ANGPT2: variants seen among roughly 807,000 people sequenced by gnomAD.
ANGPT2 encodes angiopoietin 2.
A neutral mutation model predicts 62.9 loss-of-function variants in ANGPT2; 28 were observed. The ratio of observed to expected loss-of-function variants is 0.44; its 90% CI spans 0.33 to 0.61. The LOEUF (loss-of-function observed/expected upper bound fraction) is 0.61, where lower values mean the gene tolerates loss of function less well. ANGPT2 is among the 20% of genes least tolerant of loss of function. The probability of loss-of-function intolerance (pLI) is 0.03; values close to 1 mark genes in which losing one functional copy is unlikely to be tolerated. For synonymous variants in ANGPT2, 284 were observed against 207.8 expected (o/e 1.37, Z -3.15); for missense variants, 727 against 594.9 (o/e 1.22, Z -2.31).
At chr8:6,518,286 C>T (rs758671605) in intron 5 of ANGPT2, among the ~76,000 whole-genome samples, 15 of 152,186 alleles carry the variant, frequency 9.9e-5, no homozygotes, top group Admixed American at 3.9e-4. Flanking sequence ...TGGTGACAGA[C>T]AATGGCATGC....
chr8:6,514,741 G>A lies in ANGPT2; in HGVS notation c.965C>T (p.Thr322Ile). The change falls in exon 6 of 9, where the codon ACA (threonine) becomes ATA (isoleucine). Residue 322 changes from threonine (T) to isoleucine (I), a missense_variant. Transcript: ENST00000629816. ...CDMEAGGGGWTIIQRREDGSV... is the reference protein window; with the variant it reads ...CDMEAGGGGWIIIQRREDGSV... ...GCCATCCTCACGTCGCTGAATAATT[G>A]TCCACCCGCCTCCTCCAGCTTCCAT... 6.2e-7 allele frequency: 1 copy of A among 1,613,928 alleles called. No individual in the cohort carries two copies. The highest frequency in any genetic ancestry group is 1.1e-5 in the South Asian group (1 of 91,068).
At chr8:6,561,667 TAAC>T (rs772845572) in intron 1 of ANGPT2, among the ~76,000 whole-genome samples, 6 of 152,268 alleles carry the variant, frequency 3.9e-5, no homozygotes, top group Non-Finnish European at 8.8e-5. Context: ...TCATGCTACT[TAAC>T]AATTAATTTA....
At chr8:6,512,044 C>G (rs1057469064) in intron 7 of ANGPT2, among the ~76,000 whole-genome samples, 2 of 151,960 alleles carry the variant, frequency 1.3e-5, no homozygotes, top group Non-Finnish European at 2.9e-5. Flanking sequence ...CAAGTTGGAA[C>G]TGCTGTGAGG....
chr8:6,533,188 C>T (rs1171273099), intron 1 of ANGPT2, among the ~76,000 whole-genome samples: 2 of 152,194 alleles, frequency 1.3e-5, no homozygotes, highest in Non-Finnish European at 2.9e-5. Context: ...GTGCCATGGG[C>T]TGGTTCTTCT....
At chr8:6,520,602 G>T (rs923531609) in intron 4 of ANGPT2, among the ~76,000 whole-genome samples, 2 of 152,068 alleles carry the variant, frequency 1.3e-5, no homozygotes, top group African/African-American at 4.8e-5. Flanking sequence ...CACCATGTTG[G>T]CCACGCTGGT....
intron 7 of ANGPT2, among the ~76,000 whole-genome samples, chr8:6,512,733 G>A (rs1815410200): frequency 6.6e-6 from 1 of 152,154 alleles, no homozygotes; most frequent in South Asian, 2.1e-4. Context: ...TACTCTCATG[G>A]CATTTTAGAG....
intron 1 of ANGPT2, among the ~76,000 whole-genome samples, chr8:6,541,929 G>A (rs1255778473): frequency 6.6e-6 from 1 of 151,256 alleles, no homozygotes; most frequent in African/African-American, 2.4e-5. Context: ...GATTGCTTGA[G>A]CCCAGGAGGT....
At chr8:6,551,888 G>A in intron 1 of ANGPT2, among the ~76,000 whole-genome samples, 1 of 152,078 alleles carries the variant, frequency 6.6e-6, no homozygotes, top group East Asian at 1.9e-4. Flanking sequence ...GTTTGTTTAG[G>A]GAATTTTTAA....
intron 2 of ANGPT2, among the ~76,000 whole-genome samples, chr8:6,530,033 A>C (rs1415312074): frequency 6.6e-6 from 1 of 152,020 alleles, no homozygotes; most frequent in South Asian, 2.1e-4. Context: ...ATTTTTGCCA[A>C]GTTCCCATGC....
intron 8 of ANGPT2, among the ~76,000 whole-genome samples, chr8:6,506,298 T>A (rs2129564865): frequency 6.6e-6 from 1 of 152,230 alleles, no homozygotes; most frequent in East Asian, 1.9e-4. Flanking sequence ...GCTGGTTCAT[T>A]CATGGTCCAG....
At position 6,547,562 on chromosome 8, in the gene ANGPT2, T is replaced by C. The variant is rs538571755; in HGVS notation, c.289-15075A>G. ...CTCTGTTTATCAAAGGGGCGCAGAG[T>C]CACAGTAGCACTTTGGACCACCGTA... On this transcript the variant is annotated intron_variant, in intron 1 of 8. Transcript: ENST00000629816. Among the ~76,000 whole-genome samples the C allele has an allele frequency of 3.2e-4, 48 of 152,152 alleles. 1 individual carries two copies. The highest frequency in any genetic ancestry group is 1.1e-3 in the African/African-American group (47 of 41,512).
chr8:6,554,912 G>A (rs549098843), intron 1 of ANGPT2, among the ~76,000 whole-genome samples: 1 of 152,234 alleles, frequency 6.6e-6, no homozygotes, highest in East Asian at 1.9e-4. Flanking sequence ...GTGCAAGGAA[G>A]GATTAGGACA....
intron 2 of ANGPT2, among the ~76,000 whole-genome samples, chr8:6,531,530 G>A (rs1819516130): frequency 6.6e-6 from 1 of 152,118 alleles, no homozygotes; most frequent in Non-Finnish European, 1.5e-5. Flanking sequence ...GACCTCAGGT[G>A]ATCCACCCAT....
intron 1 of ANGPT2, among the ~76,000 whole-genome samples, chr8:6,551,058 G>T (rs986427493): frequency 2.0e-5 from 3 of 152,156 alleles, no homozygotes; most frequent in Non-Finnish European, 4.4e-5. Context: ...TTTGAGAAGG[G>T]GTAAGTGTGC....
chr8:6,513,945 G>A, intron 6 of ANGPT2, 101 bp from the exon 7 acceptor site: 1 of 1,143,030 alleles, frequency 8.7e-7, no homozygotes, highest in South Asian at 1.7e-5. Flanking sequence ...CTATCAAATA[G>A]CAGAAATTCC....
chr8:6,559,290 A>C (rs372701196), intron 1 of ANGPT2, among the ~76,000 whole-genome samples: 2 of 150,334 alleles, frequency 1.3e-5, no homozygotes, highest in East Asian at 2.0e-4. Flanking sequence ...GGGTGGGGCT[A>C]GCGGGCTGGG....
At chr8:6,549,623 G>C (rs779245523) in intron 1 of ANGPT2, among the ~76,000 whole-genome samples, 1 of 151,852 alleles carries the variant, frequency 6.6e-6, no homozygotes, top group South Asian at 2.1e-4. Context: ...CGTTACACAG[G>C]TGCGCACAGA....
At chr8:6,561,535 A>G (rs2129575813) in intron 1 of ANGPT2, among the ~76,000 whole-genome samples, 1 of 152,352 alleles carries the variant, frequency 6.6e-6, no homozygotes, top group African/African-American at 2.4e-5. Flanking sequence ...AAAGAGTGAG[A>G]AAATAATTGT....
In ANGPT2 at chr8:6,519,846, G is replaced by A. The variant is rs747746759; in HGVS notation, c.927+18C>T. On this transcript the variant is annotated intron_variant, in intron 5 of 8. Coordinates refer to ENST00000629816, the MANE Select transcript of ANGPT2 (RefSeq NM_001118887.2). ...TGCCTAGAGCCAGGGAGTTAGTAAGGGGAGACGAATACCTCACCTTGATCT... is the reference window on the plus strand; with the variant it reads ...TGCCTAGAGCCAGGGAGTTAGTAAGAGGAGACGAATACCTCACCTTGATCT... 3 of 1,612,816 alleles carry A rather than the reference G, an allele frequency of 1.9e-6. No homozygotes were observed. In the South Asian group the frequency reaches 3.3e-5, roughly 18 times the overall value.
Sources: allele counts gnomAD v4.1 joint callset (sites outside exome capture counted in the v4.1 genomes callset), GRCh38; gene constraint gnomAD v4.1.1; transcripts MANE v1.5; gene names NCBI Gene and HGNC (gene_info 2026-07-23, HGNC 2026-07-21).